The following KSR1 variants were observed in gnomAD, a reference collection of about 807,000 sequenced individuals.
The protein encoded by KSR1 is kinase suppressor of ras 1.
KSR1 carries 35 observed loss-of-function variants against 92.9 expected under a neutral mutation model. The ratio of observed to expected loss-of-function variants is 0.38; its 90% CI spans 0.29 to 0.50. The LOEUF (loss-of-function observed/expected upper bound fraction) is 0.50. KSR1 is among the 20% of genes least tolerant of loss of function. The pLI, the probability that KSR1 is intolerant of heterozygous loss-of-function variation, is 0.94. For missense variants in KSR1, 972 were observed against 1,158.5 expected (o/e 0.84, Z 2.34); for synonymous variants, 467 against 472.6 (o/e 0.99, Z 0.15).
intron 2 of KSR1, among the ~76,000 whole-genome samples, chr17:27,567,703 T>C (rs983361168): frequency 1.3e-5 from 2 of 152,246 alleles, no homozygotes; most frequent in African/African-American, 4.8e-5. Flanking sequence ...GCAGAAAACC[T>C]GGAAGGAATG....
chr17:27,591,986 C>T (rs187170222), intron 7 of KSR1, among the ~76,000 whole-genome samples: 2 of 152,288 alleles, frequency 1.3e-5, no homozygotes, highest in Non-Finnish European at 2.9e-5. Flanking sequence ...GTAAAGCAAA[C>T]ATTATCTGTC....
rs2068902887 is a variant in KSR1, at chr17:27,494,004, G to A, written c.231+37130G>A. Reference sequence around the variant, plus strand: ...CTCTCTCTGGCCAGAGAGAAACTTGGGGACGCTGAGGTGGTTTGTAGCAGC... The same window carrying A: ...CTCTCTCTGGCCAGAGAGAAACTTGAGGACGCTGAGGTGGTTTGTAGCAGC... On this transcript the variant is annotated intron_variant, in intron 1 of 20. Transcript: ENST00000644974. Among the ~76,000 whole-genome samples, 6 of 152,182 alleles carry A rather than the reference G, an allele frequency of 3.9e-5. No individual in the cohort carries two copies. The South Asian group carries it at 1.2e-3, about 32-fold the overall frequency.
intron 10 of KSR1, among the ~76,000 whole-genome samples, chr17:27,598,829 G>T (rs1030548165): frequency 6.6e-6 from 1 of 152,116 alleles, no homozygotes; most frequent in Non-Finnish European, 1.5e-5. Flanking sequence ...TGTCTCTTTG[G>T]TCGTGGCAGC....
rs150434257 is a variant in KSR1, at chr17:27,577,795, C to T, written c.520+156C>T. The stretch of plus-strand genomic sequence containing the variant: ...TGGATGTTCACAGCCTCCTGAGAAG[C>T]TCTCCCAGGGTCCTCAGGGCTCTGG... On this transcript the variant is annotated intron_variant, in intron 3 of 20. Coordinates refer to ENST00000644974, the MANE Select transcript of KSR1 (RefSeq NM_001394583.1). The surrounding 1 kb of genome is among the most constrained non-coding windows in gnomAD (Gnocchi z 4.5). 29 of 725,274 alleles carry T rather than the reference C, an allele frequency of 4.0e-5. No homozygotes were observed. In the East Asian group the frequency reaches 7.5e-4, roughly 19 times the overall value. The allele number at this position is 725,274 out of a possible 1,614,324, so 44.9% of individuals were successfully genotyped here.
intron 1 of KSR1, among the ~76,000 whole-genome samples, chr17:27,483,495 G>A (rs1311308774): frequency 6.6e-6 from 1 of 151,070 alleles, no homozygotes; most frequent in East Asian, 2.0e-4. Context: ...GCTGAGGCAG[G>A]AGAATCGCTT....
chr17:27,579,009 T>C (rs940076206), intron 3 of KSR1: 1 of 152,116 alleles, frequency 6.6e-6, no homozygotes, highest in African/African-American at 2.4e-5. Flanking sequence ...GTTCAGAGGG[T>C]GCTTTTTCCA....
intron 10 of KSR1, among the ~76,000 whole-genome samples, chr17:27,600,710 T>C (rs966269921): frequency 6.6e-6 from 1 of 152,144 alleles, no homozygotes; most frequent in Admixed American, 6.5e-5. Flanking sequence ...CCATTATAAT[T>C]AGGGCCACCG....
chr17:27,591,121 A>G (rs1192233450), intron 7 of KSR1, among the ~76,000 whole-genome samples: 1 of 152,220 alleles, frequency 6.6e-6, no homozygotes, highest in African/African-American at 2.4e-5. Context: ...AGAGAATTCC[A>G]GGCCATGGGT....
chr17:27,615,037 GTTA>G (rs2074020748), intron 18 of KSR1, among the ~76,000 whole-genome samples: 1 of 152,204 alleles, frequency 6.6e-6, no homozygotes, highest in Non-Finnish European at 1.5e-5. Flanking sequence ...CAGCCAGTGA[GTTA>G]TTAATCATTG....
intron 1 of KSR1, among the ~76,000 whole-genome samples, chr17:27,532,630 G>A (rs1014348201): frequency 5.9e-5 from 9 of 152,232 alleles, no homozygotes; most frequent in Admixed American, 2.0e-4. Context: ...CGGGTGGGAC[G>A]GGGTAGGATG....
At position 27,602,872 on chromosome 17, in the gene KSR1, G is replaced by T. The variant is rs1433238747; in HGVS notation, c.1511-962G>T. ...CCTCTATCAGATTCTCCAAGTCTGTGAGGTCCCAGAGATGTTGACAGCCTG... is the reference window on the plus strand; with the variant it reads ...CCTCTATCAGATTCTCCAAGTCTGTTAGGTCCCAGAGATGTTGACAGCCTG... On this transcript the variant is annotated intron_variant, in intron 11 of 20. Coordinates refer to ENST00000644974, the MANE Select transcript of KSR1 (RefSeq NM_001394583.1). 2.0e-5 allele frequency among the ~76,000 whole-genome samples: 3 copies of T among 152,250 alleles called. No homozygotes were observed. In the East Asian group the frequency reaches 5.8e-4, roughly 29 times the overall value.
At chr17:27,545,870 C>T (rs1310586696) in intron 1 of KSR1, among the ~76,000 whole-genome samples, 1 of 152,176 alleles carries the variant, frequency 6.6e-6, no homozygotes, top group Non-Finnish European at 1.5e-5. Context: ...CAGGCTAAGG[C>T]CAGGTGGGCT....
At chr17:27,496,405 C>T (rs918082804) in intron 1 of KSR1, among the ~76,000 whole-genome samples, 1 of 152,178 alleles carries the variant, frequency 6.6e-6, no homozygotes, top group Admixed American at 6.5e-5. Context: ...ATAGAAAAAC[C>T]TAGATAATTT....
intron 6 of KSR1, 27 bp from the exon 7 acceptor site, chr17:27,590,784 A>G (rs1403321): frequency 0.58 from 929,571 of 1,593,752 alleles, 273,060 homozygotes; most frequent in Admixed American, 0.74. Flanking sequence ...GCTGGTGCAA[A>G]CATGTGCCTG....
chr17:27,502,185 C>A (rs2069214787), intron 1 of KSR1, among the ~76,000 whole-genome samples: 1 of 152,222 alleles, frequency 6.6e-6, no homozygotes, highest in African/African-American at 2.4e-5. Context: ...CAAGCCAGGT[C>A]TGCTGATTCT....
rs528211766 is a variant in KSR1, at chr17:27,584,149, C to T, written c.980+1044C>T. Among the ~76,000 whole-genome samples, 12 of 152,292 alleles carry T rather than the reference C, an allele frequency of 7.9e-5. No homozygotes were observed. The East Asian group carries it at 2.1e-3, about 27-fold the overall frequency. On this transcript the variant is annotated intron_variant, in intron 4 of 20. Transcript: ENST00000644974. ...GGGTGCCTCTTACCTTCTTGTACCC[C>T]TGAGGATTGGGGCACCTGGTTTCTC...
At chr17:27,621,779 G>T in intron 20 of KSR1, 1 of 690,096 alleles carries the variant, frequency 1.4e-6, no homozygotes, top group Non-Finnish European at 2.5e-6. Flanking sequence ...CCAAGCCTGG[G>T]GGATGGAGTC....
intron 1 of KSR1, among the ~76,000 whole-genome samples, chr17:27,510,144 C>T (rs2069546091): frequency 6.6e-6 from 1 of 152,222 alleles, no homozygotes; most frequent in African/African-American, 2.4e-5. Flanking sequence ...CCGGAGAGAA[C>T]CTTTCTGGTT....
Position 27,617,388 on chromosome 17 carries a change from C to A in KSR1, c.2587C>A (p.Arg863=), listed in dbSNP as rs374851473. 3 of 1,612,770 alleles carry A rather than the reference C, an allele frequency of 1.9e-6. No individual in the cohort carries two copies. Among genetic ancestry groups the A allele is most frequent in the African/African-American group, 2.7e-5 (2 of 74,852 alleles). ...GCTGGAGAAACTTCCCAAGCTGAAC[C>A]GGCGGCTCTCCCACCCTGGACACTT... ...DMLEKLPKLN[R]RLSHPGHFWK... The change falls in exon 19 of 21, where the codon CGG becomes AGG. Residue 863 remains arginine (R), a synonymous_variant. Transcript: ENST00000644974.
Sources: gnomAD v4.1 joint callset for allele counts (sites outside exome capture counted in the v4.1 genomes callset) on GRCh38, gnomAD v4.1.1 for gene constraint, Gnocchi (gnomAD v3.1) non-coding constraint, MANE v1.5 for transcripts, NCBI Gene and HGNC (gene_info 2026-07-23, HGNC 2026-07-21) for gene names.